Variants in TECRL observed in about 807,000 individuals in gnomAD.
TECRL encodes the protein trans-2,3-enoyl-CoA reductase like.
In TECRL, 63 loss-of-function variants were observed where a neutral mutation model predicts 52.8. That is an observed-to-expected ratio of 1.19 (90% CI 0.97 to 1.47). The LOEUF is 1.47. Ranked by LOEUF, TECRL falls within the 40% of genes most tolerant of loss-of-function variation. The probability of loss-of-function intolerance (pLI) is 0.00; values close to 1 mark genes in which losing one functional copy is unlikely to be tolerated. For missense variants in TECRL, 482 were observed against 429.6 expected (o/e 1.12, Z -1.08); for synonymous variants, 164 against 141.9 (o/e 1.16, Z -1.10).
intron 8 of TECRL, chr4:64,299,151 G>A (rs10003870): frequency 0.61 from 92,537 of 150,968 alleles, 31,681 homozygotes; most frequent in Non-Finnish European, 0.76. Flanking sequence ...AGTGGAGGAC[G>A]TTCTTACCTA....
At chr4:64,320,693 TAAAC>T (rs1316547511) in intron 4 of TECRL, among the ~76,000 whole-genome samples, 1 of 152,106 alleles carries the variant, frequency 6.6e-6, no homozygotes, top group Non-Finnish European at 1.5e-5. Context: ...ACAATTTCTG[TAAAC>T]AGAGTTCCCT....
chr4:64,380,134 T>A (rs1386811181), intron 1 of TECRL, among the ~76,000 whole-genome samples: 1 of 152,098 alleles, frequency 6.6e-6, no homozygotes, highest in Non-Finnish European at 1.5e-5. Context: ...TTGATTTGTA[T>A]TTCCCTTATG....
At chr4:64,340,406 T>G (rs1719475681) in intron 2 of TECRL, among the ~76,000 whole-genome samples, 1 of 152,246 alleles carries the variant, frequency 6.6e-6, no homozygotes, top group African/African-American at 2.4e-5. Context: ...TGAAAGTGTC[T>G]GCTCCAGCTG....
intron 1 of TECRL, among the ~76,000 whole-genome samples, chr4:64,400,583 G>C (rs184859861): frequency 6.6e-6 from 1 of 152,176 alleles, no homozygotes; most frequent in African/African-American, 2.4e-5. Flanking sequence ...AGTGTTGCAG[G>C]TGGGGCCTGG....
At chr4:64,323,643 T>G (rs1389965012) in intron 3 of TECRL, among the ~76,000 whole-genome samples, 1 of 152,176 alleles carries the variant, frequency 6.6e-6, no homozygotes, top group Non-Finnish European at 1.5e-5. Context: ...CAGCTGGAGC[T>G]GATGTTTGTT....
downstream of TECRL, among the ~76,000 whole-genome samples, chr4:64,277,303 AC>A (rs1722606373): frequency 6.6e-6 from 1 of 151,910 alleles, no homozygotes; most frequent in South Asian, 2.1e-4. Flanking sequence ...GGATCGAGTT[AC>A]AAAAACAGAA....
intron 1 of TECRL, among the ~76,000 whole-genome samples, 185 bp downstream of exon 1, chr4:64,408,933 T>G (rs565205240): frequency 3.1e-4 from 47 of 152,224 alleles, no homozygotes; most frequent in African/African-American, 1.0e-3. Flanking sequence ...GTATGAGAGA[T>G]GCATTGAACA....
chr4:64,355,391 T>C (rs1256467141), intron 2 of TECRL, among the ~76,000 whole-genome samples: 1 of 142,896 alleles, frequency 7.0e-6, no homozygotes, highest in Non-Finnish European at 1.5e-5. Context: ...TATTTTTCTA[T>C]ATTAACTTTT....
intron 1 of TECRL, among the ~76,000 whole-genome samples, chr4:64,380,796 A>G (rs1722735802): frequency 6.6e-6 from 1 of 152,092 alleles, no homozygotes; most frequent in African/African-American, 2.4e-5. Flanking sequence ...TGGTTACTAT[A>G]GCTTTGAAGT....
intron 1 of TECRL, among the ~76,000 whole-genome samples, chr4:64,402,629 A>G (rs1724430728): frequency 6.6e-6 from 1 of 152,140 alleles, no homozygotes; most frequent in South Asian, 2.1e-4. Context: ...AAGGGAATCA[A>G]ATTTTCCTGA....
chr4:64,387,892 T>G (rs1723286944), intron 1 of TECRL, among the ~76,000 whole-genome samples: 2 of 151,858 alleles, frequency 1.3e-5, no homozygotes, highest in Non-Finnish European at 2.9e-5. Context: ...TTTGTATATT[T>G]TATAAATATA....
rs184979674 is a variant in TECRL at position 64,374,816 on chromosome 4, G to A, written c.286+356C>T. Among the ~76,000 whole-genome samples, 5 of 152,034 alleles carry A rather than the reference G, an allele frequency of 3.3e-5. No individual in the cohort carries two copies. The East Asian group carries it at 9.7e-4, about 29-fold the overall frequency. ...TTTCTTAATCCAGTCTATCTTTGTT[G>A]GACATTTGGTTTGGTTGAAATTCTT... On this transcript the variant is annotated intron_variant, in intron 2 of 11. Transcript: ENST00000381210.
chr4:64,394,051 C>T (rs188383346), intron 1 of TECRL, among the ~76,000 whole-genome samples: 3 of 152,126 alleles, frequency 2.0e-5, no homozygotes, highest in Non-Finnish European at 4.4e-5. Flanking sequence ...AAAATATGTT[C>T]TCTCCATCTT....
At position 64,279,572 on chromosome 4, in the gene TECRL, TA is replaced by T. The variant is rs1390494967; in HGVS notation, c.*499del. On this transcript the variant is annotated 3_prime_UTR_variant, in exon 12 of 12. Coordinates refer to ENST00000381210, the MANE Select transcript of TECRL (RefSeq NM_001010874.5). ...CAGATATGAACCACCACGGCTGTCA[TA>T]TTTTTTGTCTTTTTGAAAATAGTCA... The T allele has an allele frequency of 2.4e-5, 4 of 167,396 alleles. No individual in the cohort carries two copies. The highest frequency in any genetic ancestry group is 1.3e-4 in the Admixed American group (2 of 15,284). The allele number at this position is 167,396 out of a possible 1,614,324, so 10.4% of individuals were successfully genotyped here.
intron 2 of TECRL, among the ~76,000 whole-genome samples, chr4:64,339,093 C>A (rs1351702186): frequency 1.3e-5 from 2 of 151,866 alleles, no homozygotes; most frequent in East Asian, 1.9e-4. Context: ...CCATGGAATA[C>A]TATGTAGCCA....
At chr4:64,374,808 T>A (rs146731024) in intron 2 of TECRL, among the ~76,000 whole-genome samples, 1,898 of 152,218 alleles carry the variant, frequency 0.012, 46 homozygotes, top group African/African-American at 0.043. Context: ...ATCCAGTCTA[T>A]CTTTGTTGGA....
chr4:64,314,593 GT>G lies in TECRL; in HGVS notation c.551+54del, dbSNP rs1553910898. 2,335 of 264,600 alleles carry G rather than the reference GT, an allele frequency of 8.8e-3. 70 individuals carry two copies. Among genetic ancestry groups the G allele is most frequent in the East Asian group, 0.033 (618 of 18,778 alleles). 16.4% of individuals were successfully genotyped at this position (264,600 alleles called of 1,614,324 possible). A position where few individuals can be genotyped will look rare whatever the true frequency, so the allele number is the denominator to read the frequency against. On this transcript the variant is annotated intron_variant, in intron 5 of 11. Transcript: ENST00000381210. ...TCATCCCCTCCTTAACGTGTATGGTGTGTGTGTGTGTGTGTGTGTGTGTGTG... is the reference window on the plus strand; with the variant it reads ...TCATCCCCTCCTTAACGTGTATGGTGGTGTGTGTGTGTGTGTGTGTGTGTG...
chr4:64,357,333 A>G (rs1464406419), intron 2 of TECRL, among the ~76,000 whole-genome samples: 1 of 151,654 alleles, frequency 6.6e-6, no homozygotes, highest in African/African-American at 2.4e-5. Flanking sequence ...ATACTGACAA[A>G]ATAATACAGT....
intron 2 of TECRL, among the ~76,000 whole-genome samples, chr4:64,364,743 T>C (rs1446272889): frequency 6.6e-6 from 1 of 151,564 alleles, no homozygotes; most frequent in Non-Finnish European, 1.5e-5. Flanking sequence ...AATAATAAAA[T>C]CCAAAATTGA....
Sources: gnomAD v4.1 joint callset for allele counts (sites outside exome capture counted in the v4.1 genomes callset) on GRCh38, gnomAD v4.1.1 for gene constraint, MANE v1.5 for transcripts, NCBI Gene and HGNC (gene_info 2026-07-23, HGNC 2026-07-21) for gene names.